The following GALNT11 variants were observed in gnomAD, a reference collection of about 807,000 sequenced individuals.
GALNT11 encodes the protein UDP-GalNAc:polypeptide N-acetylgalactosaminyltransferase 11.
GALNT11 carries 47 observed loss-of-function variants against 72.7 expected under a neutral mutation model. That is an observed-to-expected ratio of 0.65 (90% CI 0.51 to 0.82). The LOEUF (loss-of-function observed/expected upper bound fraction) is 0.82. GALNT11 is among the 40% of genes least tolerant of loss of function. The pLI is 0.00. For synonymous variants in GALNT11, 270 were observed against 286.6 expected, an observed-to-expected ratio of 0.94 and a Z score of 0.58; for missense variants, 677 against 778.4, an observed-to-expected ratio of 0.87 and a Z score of 1.55.
At chr7:152,089,891 T>C (rs997875996) in intron 1 of GALNT11, among the ~76,000 whole-genome samples, 1 of 152,238 alleles carries the variant, frequency 6.6e-6, no homozygotes, top group Non-Finnish European at 1.5e-5. Context: ...TTTTACTTTC[T>C]ACAGGTTCTA....
chr7:152,102,981 C>CAAAA, intron 3 of GALNT11, 131 bp from the exon 4 acceptor site: 7 of 600,358 alleles, frequency 1.2e-5, no homozygotes, highest in South Asian at 2.7e-5. Context: ...GACTCCGTCT[C>CAAAA]AAAAAAAAAA....
chr7:152,053,721 G>A (rs1386241432), intron 1 of GALNT11, among the ~76,000 whole-genome samples: 3 of 152,148 alleles, frequency 2.0e-5, no homozygotes, highest in East Asian at 3.9e-4. Context: ...CACTTTGGCT[G>A]GGTGGCTCAA....
In GALNT11 at chr7:152,120,508, C is replaced by T. The variant is rs185415521; in HGVS notation, c.1558-323C>T. The T allele has an allele frequency of 4.9e-4, 110 of 226,092 alleles. 1 individual carries two copies. The East Asian group carries it at 0.011, about 23-fold the overall frequency. 14.0% of individuals were successfully genotyped at this position (226,092 alleles called of 1,614,324 possible). On this transcript the variant is annotated intron_variant, in intron 10 of 11. Coordinates refer to ENST00000430044, the MANE Select transcript of GALNT11 (RefSeq NM_022087.4). ...AGAGGGTCAGCCAGAGGCTGTCGGG[C>T]TCCTCTGTCACCTACACAGTCCAGG...
At chr7:152,077,587 G>C (rs2085062576) in intron 1 of GALNT11, among the ~76,000 whole-genome samples, 1 of 152,172 alleles carries the variant, frequency 6.6e-6, no homozygotes, top group Non-Finnish European at 1.5e-5. Flanking sequence ...GGGGTCACCT[G>C]GGGGTTTAGT....
intron 1 of GALNT11, among the ~76,000 whole-genome samples, chr7:152,091,332 C>A (rs1025319135): frequency 3.9e-5 from 6 of 152,074 alleles, no homozygotes; most frequent in Non-Finnish European, 7.4e-5. Context: ...CCTCCCCCTC[C>A]CGGGTTCAAG....
intron 3 of GALNT11, among the ~76,000 whole-genome samples, chr7:152,101,911 C>T (rs1251281926): frequency 4.6e-5 from 7 of 152,060 alleles, no homozygotes; most frequent in South Asian, 2.1e-4. Flanking sequence ...GGATTACAGG[C>T]GTGAGCCACT....
At chr7:152,118,909 T>A in intron 10 of GALNT11, 127 bp downstream of exon 10, 2 of 642,530 alleles carry the variant, frequency 3.1e-6, no homozygotes, top group Non-Finnish European at 5.0e-6. Context: ...CATTTCTGTG[T>A]AGTGTTGCGT....
chr7:152,073,918 G>A (rs1421339846), intron 1 of GALNT11, among the ~76,000 whole-genome samples: 5 of 152,094 alleles, frequency 3.3e-5, no homozygotes, highest in African/African-American at 7.2e-5. Context: ...TGAACATTTT[G>A]TCATATATTT....
In GALNT11 at chr7:152,091,406, A is replaced by G. The variant is rs2086028604; in HGVS notation, c.-38-2784A>G. On this transcript the variant is annotated intron_variant, in intron 1 of 11. Coordinates refer to ENST00000430044, the MANE Select transcript of GALNT11 (RefSeq NM_022087.4). ...CAGGTGTGCGCCGCCACGTCCCGCTAATTTTTTGTATTTTTAGTAGAGACA... is the reference window on the plus strand; with the variant it reads ...CAGGTGTGCGCCGCCACGTCCCGCTGATTTTTTGTATTTTTAGTAGAGACA... Among the ~76,000 whole-genome samples, 5 of 151,720 alleles carry G rather than the reference A, an allele frequency of 3.3e-5. No individual in the cohort carries two copies. In the South Asian group the frequency reaches 1.0e-3, roughly 32 times the overall value.
intron 1 of GALNT11, among the ~76,000 whole-genome samples, chr7:152,066,237 C>G (rs1042624201): frequency 3.3e-5 from 5 of 151,912 alleles, no homozygotes; most frequent in Admixed American, 2.6e-4. Flanking sequence ...CCCTCCGAGC[C>G]AGGCATGGGA....
chr7:152,072,218 C>T lies in GALNT11; in HGVS notation c.-38-21972C>T, dbSNP rs1303593185. 2.7e-5 allele frequency among the ~76,000 whole-genome samples: 4 copies of T among 149,720 alleles called. No homozygotes were observed. The East Asian group carries it at 7.8e-4, about 29-fold the overall frequency. ...TCTGTTGTCCCAGCTACTCAGGAGG[C>T]TGAGGCAGAAGAATTGCTTCAACCT... On this transcript the variant is annotated intron_variant, in intron 1 of 11. Coordinates refer to ENST00000430044, the MANE Select transcript of GALNT11 (RefSeq NM_022087.4).
intron 1 of GALNT11, among the ~76,000 whole-genome samples, chr7:152,044,326 G>A (rs1321599530): frequency 2.0e-5 from 3 of 152,190 alleles, no homozygotes. Context: ...GGCACAGCTC[G>A]CTCATGCTAT....
intron 1 of GALNT11, among the ~76,000 whole-genome samples, chr7:152,079,039 G>C (rs1439098635): frequency 6.6e-6 from 1 of 152,204 alleles, no homozygotes; most frequent in Non-Finnish European, 1.5e-5. Context: ...TGGCATAGCT[G>C]ACACAGGAAA....
chr7:152,042,804 G>A (rs1309931590), intron 1 of GALNT11, among the ~76,000 whole-genome samples: 3 of 152,128 alleles, frequency 2.0e-5, no homozygotes, highest in African/African-American at 4.8e-5. Flanking sequence ...ATAGTCCCAG[G>A]TTGTCCATCG....
At chr7:152,101,914 G>A (rs1249583547) in intron 3 of GALNT11, among the ~76,000 whole-genome samples, 1 of 152,142 alleles carries the variant, frequency 6.6e-6, no homozygotes. Context: ...TTACAGGCGT[G>A]AGCCACTGCG....
Position 152,100,988 on chromosome 7 carries a change from G to C in GALNT11, c.419+67G>C, listed in dbSNP as rs998229728. On this transcript the variant is annotated intron_variant, in intron 3 of 11. Transcript: ENST00000430044. ...GATGCTTTTAGTGTCAGTGTAAGAG[G>C]TCACGAGGACGGGGTTCATATTTCC... is the stretch of plus-strand genomic sequence containing the variant. The C allele has an allele frequency of 2.5e-6, 4 of 1,579,512 alleles. No homozygotes were observed. The African/African-American group carries it at 5.4e-5, about 21-fold the overall frequency.
At chr7:152,068,103 T>A (rs61071348) in intron 1 of GALNT11, among the ~76,000 whole-genome samples, 18 of 152,080 alleles carry the variant, frequency 1.2e-4, no homozygotes, top group Admixed American at 1.2e-3. Flanking sequence ...CACTGGATCA[T>A]GTATCTGCCT....
intron 1 of GALNT11, among the ~76,000 whole-genome samples, chr7:152,039,033 G>A (rs919989251): frequency 2.0e-5 from 3 of 152,046 alleles, no homozygotes; most frequent in African/African-American, 7.2e-5. Context: ...TTGAGGTTGA[G>A]GTGCCACTAT....
intron 3 of GALNT11, among the ~76,000 whole-genome samples, chr7:152,102,220 CA>C (rs1275130986): frequency 7.3e-5 from 11 of 151,696 alleles, no homozygotes; most frequent in African/African-American, 2.7e-4. Context: ...CCCTCTCTTC[CA>C]AAAAAGAAAA....
Sources: allele counts gnomAD v4.1 joint callset (sites outside exome capture counted in the v4.1 genomes callset), GRCh38; gene constraint gnomAD v4.1.1; transcripts MANE v1.5; gene names NCBI Gene and HGNC (gene_info 2026-07-23, HGNC 2026-07-21).